HIVEP3: variants seen among roughly 807,000 people sequenced by gnomAD.
The protein encoded by HIVEP3 is transcription factor HIVEP3.
HIVEP3 carries 49 observed loss-of-function variants against 152.8 expected under a neutral mutation model. The ratio of observed to expected loss-of-function variants is 0.32; its 90% CI spans 0.26 to 0.41. HIVEP3 has a LOEUF of 0.41. Ranked by LOEUF, HIVEP3 falls within the 10% of genes least tolerant of loss-of-function variation. The pLI is 1.00. For missense variants in HIVEP3, 2,790 were observed against 3,103.3 expected (o/e 0.90, Z 2.40); for synonymous variants, 1,269 against 1,289.0 (o/e 0.98, Z 0.33).
At chr1:41,671,643 C>T (rs750968001) in intron 2 of HIVEP3, among the ~76,000 whole-genome samples, 14 of 152,366 alleles carry the variant, frequency 9.2e-5, no homozygotes, top group East Asian at 5.8e-4. Context: ...CTCCGCCTCA[C>T]GCAGAACAGG....
At chr1:42,020,885 C>T (rs1156950851) in intron 1 of HIVEP3, among the ~76,000 whole-genome samples, 3 of 152,074 alleles carry the variant, frequency 2.0e-5, no homozygotes, top group Admixed American at 6.6e-5. Context: ...ATCAAAAGAT[C>T]CAAAGCAAGA....
chr1:41,882,052 T>G (rs1194272551), intron 1 of HIVEP3, among the ~76,000 whole-genome samples: 1 of 152,234 alleles, frequency 6.6e-6, no homozygotes, highest in Non-Finnish European at 1.5e-5. Context: ...ATCTTGTGGC[T>G]TAATGTTTTT....
At chr1:41,857,019 C>T (rs1000033530) in intron 1 of HIVEP3, among the ~76,000 whole-genome samples, 1 of 152,202 alleles carries the variant, frequency 6.6e-6, no homozygotes, top group Admixed American at 6.5e-5. Context: ...GCCAGGTTCT[C>T]TGTGGTTTCT....
chr1:41,801,644 C>T (rs1650309110), intron 1 of HIVEP3, among the ~76,000 whole-genome samples: 1 of 152,052 alleles, frequency 6.6e-6, no homozygotes, highest in Admixed American at 6.6e-5. Flanking sequence ...ACTCGGGAGG[C>T]TGAGGCAGGA....
At chr1:41,599,794 A>T (rs1320324200) in intron 3 of HIVEP3, among the ~76,000 whole-genome samples, 1 of 152,238 alleles carries the variant, frequency 6.6e-6, no homozygotes, top group Non-Finnish European at 1.5e-5. Flanking sequence ...TAAAAAGACA[A>T]GAATGAGAGA....
Position 41,960,370 on chromosome 1 carries a change from G to T in HIVEP3, n.120-41846C>A, listed in dbSNP as rs199698833. ...CAATGAGAAACAAGTGGTTCTTAAT[G>T]GTACAAGCAGTAGCTGGTAGCAGAG... On this transcript the variant is annotated intron_variant and non_coding_transcript_variant, in intron 1 of 3. Transcript: ENST00000489103. 2.0e-5 allele frequency among the ~76,000 whole-genome samples: 3 copies of T among 152,254 alleles called. No individual in the cohort carries two copies. In the East Asian group the frequency reaches 5.8e-4, roughly 29 times the overall value.
chr1:41,641,384 G>A (rs967880787), intron 2 of HIVEP3, among the ~76,000 whole-genome samples: 1 of 152,146 alleles, frequency 6.6e-6, no homozygotes, highest in Non-Finnish European at 1.5e-5. Flanking sequence ...GGTCCTCCGG[G>A]GACCCAGCCA....
chr1:41,946,951 C>T (rs1645078516), intron 1 of HIVEP3, among the ~76,000 whole-genome samples: 1 of 152,086 alleles, frequency 6.6e-6, no homozygotes, highest in East Asian at 1.9e-4. Flanking sequence ...TCAATGAGGC[C>T]GTTGTTCCTC....
intron 1 of HIVEP3, among the ~76,000 whole-genome samples, chr1:41,780,778 G>A (rs1648997200): frequency 6.6e-6 from 1 of 152,068 alleles, no homozygotes; most frequent in South Asian, 2.1e-4. Context: ...TGCACCTAGG[G>A]GCTTCTGGTG....
intron 1 of HIVEP3, among the ~76,000 whole-genome samples, chr1:41,766,279 C>A (rs1282931559): frequency 6.6e-6 from 1 of 152,208 alleles, no homozygotes; most frequent in African/African-American, 2.4e-5. Context: ...GTTTTCACAA[C>A]TAGAGGTTAC....
chr1:41,513,580 C>T lies in HIVEP3; in HGVS notation c.5641G>A (p.Ala1881Thr). Residue 1881 changes from alanine (A) to threonine (T), a missense_variant, in exon 8 of 9, where the codon GCG becomes ACG. Transcript: ENST00000372583. ...QDELSRPSSE[A>T]PPPGPPHALR... The stretch of plus-strand genomic sequence containing the variant: ...GCATGTGGTGGGCCAGGCGGGGGCG[C>T]CTCTGAGGATGGTCTGGACAGCTCA... 1.2e-6 allele frequency: 2 copies of T among 1,613,328 alleles called. No homozygotes were observed. The highest frequency in any genetic ancestry group is 1.7e-6 in the Non-Finnish European group (2 of 1,179,818).
intron 3 of HIVEP3, among the ~76,000 whole-genome samples, chr1:41,628,083 A>T (rs1311939289): frequency 6.6e-6 from 1 of 152,202 alleles, no homozygotes; most frequent in Admixed American, 6.5e-5. Flanking sequence ...ATACCTGAAG[A>T]TCTAAATGCA....
intron 2 of HIVEP3, among the ~76,000 whole-genome samples, chr1:41,688,063 T>A (rs1646139350): frequency 6.6e-6 from 1 of 152,208 alleles, no homozygotes; most frequent in Non-Finnish European, 1.5e-5. Context: ...AAGATGCATG[T>A]GCCTGTGGGC....
rs1449547022 is a variant in HIVEP3 at position 41,737,065 on chromosome 1, C to A, written c.-800-36070G>T. 3.3e-5 allele frequency among the ~76,000 whole-genome samples: 5 copies of A among 152,184 alleles called. No homozygotes were observed. In the East Asian group the frequency reaches 9.6e-4, roughly 29 times the overall value. On this transcript the variant is annotated intron_variant, in intron 1 of 8. Coordinates refer to ENST00000372583, the MANE Select transcript of HIVEP3 (RefSeq NM_024503.5). ...AGGTCTTCTCCGCCCTTTCCTTTAT[C>A]TGCTGAGAAACATGGCTCCCCTCGT...
intron 3 of HIVEP3, among the ~76,000 whole-genome samples, chr1:41,617,118 A>G (rs755300450): frequency 4.5e-4 from 69 of 152,346 alleles, no homozygotes; most frequent in Middle Eastern, 3.4e-3. Context: ...ATCTTGTTAC[A>G]GCTGAATGAT....
intron 1 of HIVEP3, among the ~76,000 whole-genome samples, chr1:41,991,990 GAC>G (rs1645364912): frequency 6.7e-6 from 1 of 148,996 alleles, no homozygotes; most frequent in Non-Finnish European, 1.5e-5. Context: ...GTATTGATGG[GAC>G]ATATTTCAAA....
At chr1:41,793,799 G>A (rs1184036967) in intron 1 of HIVEP3, among the ~76,000 whole-genome samples, 1 of 152,180 alleles carries the variant, frequency 6.6e-6, no homozygotes, top group Non-Finnish European at 1.5e-5. Flanking sequence ...AAACATCAGT[G>A]TAGAAAATTT....
chr1:41,791,298 C>A (rs560319137), intron 1 of HIVEP3, among the ~76,000 whole-genome samples: 2 of 152,318 alleles, frequency 1.3e-5, no homozygotes, highest in South Asian at 4.1e-4. Flanking sequence ...TGGGTAAATG[C>A]CTTCTAACCC....
intron 1 of HIVEP3, among the ~76,000 whole-genome samples, chr1:41,764,189 A>AC (rs1298272991): frequency 6.6e-6 from 1 of 152,186 alleles, no homozygotes; most frequent in Non-Finnish European, 1.5e-5. Context: ...CTGAAAAAAA[A>AC]TGAGGGGAGC....
Sources: allele counts gnomAD v4.1 joint callset (sites outside exome capture counted in the v4.1 genomes callset), GRCh38; gene constraint gnomAD v4.1.1; transcripts MANE v1.5; gene names NCBI Gene and HGNC (gene_info 2026-07-23, HGNC 2026-07-21).